Variants in LTBP1 observed in about 807,000 individuals in gnomAD.
LTBP1 encodes latent transforming growth factor beta binding protein 1.
In LTBP1, 129 loss-of-function variants were observed where a neutral mutation model predicts 207.6. The ratio of observed to expected loss-of-function variants is 0.62; its 90% CI spans 0.54 to 0.72. The LOEUF (loss-of-function observed/expected upper bound fraction) is 0.72. LTBP1 is among the 30% of genes least tolerant of loss of function. LTBP1 has a pLI of 0.00. For missense variants in LTBP1, 2,281 were observed against 2,217.2 expected (o/e 1.03, Z -0.58); for synonymous variants, 963 against 833.7 (o/e 1.16, Z -2.67).
At chr2:33,077,200 T>C (rs1382395905) in intron 3 of LTBP1, among the ~76,000 whole-genome samples, 2 of 152,280 alleles carry the variant, frequency 1.3e-5, no homozygotes, top group Admixed American at 1.3e-4. Context: ...AATGGGAAGG[T>C]TGTTGTATTG....
At position 33,361,440 on chromosome 2, in the gene LTBP1, G is replaced by A. The variant is rs1449217104; in HGVS notation, c.4195G>A (p.Glu1399Lys). 3 of 1,593,466 alleles carry A rather than the reference G, an allele frequency of 1.9e-6. No homozygotes were observed. Among genetic ancestry groups the A allele is most frequent in the Non-Finnish European group, 1.7e-6 (2 of 1,168,016 alleles). Residue 1399 changes from glutamate to lysine, a missense_variant, in exon 28 of 34, where the codon GAA becomes AAA. Transcript: ENST00000404816. ...TCTTCTAAAATCAGCTGAGTTCACT[G>A]AAATGTGTCCCAAAGGGAAAGGTTT... ...CPVLGTAEFT[E>K]MCPKGKGFVP...
chr2:33,287,571 G>C (rs1231190271), intron 19 of LTBP1, among the ~76,000 whole-genome samples: 2 of 152,224 alleles, frequency 1.3e-5, no homozygotes, highest in African/African-American at 4.8e-5. Context: ...AGTGGCAGTT[G>C]AGTTTTGCTG....
intron 4 of LTBP1, among the ~76,000 whole-genome samples, chr2:33,124,947 A>G (rs1463302733): frequency 2.0e-5 from 3 of 152,284 alleles, no homozygotes; most frequent in Admixed American, 2.0e-4. Context: ...ACTTCTTATT[A>G]TCAGTTTCTT....
At chr2:33,385,657 C>T (rs1192777953) in intron 31 of LTBP1, among the ~76,000 whole-genome samples, 1 of 152,186 alleles carries the variant, frequency 6.6e-6, no homozygotes, top group Non-Finnish European at 1.5e-5. Context: ...GGACTTGAGC[C>T]TCAGCTTCCA....
chr2:33,096,527 G>T (rs2079398171), intron 3 of LTBP1, among the ~76,000 whole-genome samples: 1 of 152,180 alleles, frequency 6.6e-6, no homozygotes, highest in South Asian at 2.1e-4. Flanking sequence ...TGTGAGTTCT[G>T]CCAACCTATT....
intron 5 of LTBP1, among the ~76,000 whole-genome samples, chr2:33,168,399 C>CAAAAAAAAAA (rs10616798): frequency 1.3e-4 from 14 of 103,784 alleles, no homozygotes; most frequent in Non-Finnish European, 2.6e-4. Context: ...GTCTTTGTCT[C>CAAAAAAAAAA]AAAAAAAAAA....
intron 7 of LTBP1, among the ~76,000 whole-genome samples, chr2:33,200,775 T>C (rs1445621912): frequency 6.6e-6 from 1 of 151,672 alleles, no homozygotes; most frequent in East Asian, 1.9e-4. Context: ...CAAACAAATT[T>C]ACAAGAAAAA....
rs996811331 is a variant in LTBP1, at chr2:33,134,371, G to A, written c.1034-422G>A. ...AAACAGGGAAAGTATGCAAGTTGAG[G>A]ACACAAGAGTTTATTCACCGCTAGG... On this transcript the variant is annotated intron_variant, in intron 4 of 33. Coordinates refer to ENST00000404816, the MANE Select transcript of LTBP1 (RefSeq NM_206943.4). The surrounding 1 kb of genome is among the most constrained non-coding windows in gnomAD (Gnocchi z 4.4). 1 of 475,566 alleles carries A rather than the reference G, an allele frequency of 2.1e-6. No individual in the cohort carries two copies. The highest frequency in any genetic ancestry group is 2.0e-5 in the African/African-American group (1 of 50,250). The allele number at this position is 475,566 out of a possible 1,614,324, so 29.5% of individuals were successfully genotyped here.
chr2:33,185,408 A>G (rs888265892), intron 5 of LTBP1, among the ~76,000 whole-genome samples: 2 of 152,242 alleles, frequency 1.3e-5, no homozygotes, highest in East Asian at 3.8e-4. Context: ...TGAAATATGT[A>G]TATGGTGACA....
At chr2:33,296,741 TA>T (rs1328398668) in intron 20 of LTBP1, among the ~76,000 whole-genome samples, 1 of 151,972 alleles carries the variant, frequency 6.6e-6, no homozygotes, top group Non-Finnish European at 1.5e-5. Flanking sequence ...TTTGTTTTTT[TA>T]AAAAAAGGCA....
chr2:33,114,216 A>AT (rs1303286861), intron 4 of LTBP1, among the ~76,000 whole-genome samples: 2 of 152,226 alleles, frequency 1.3e-5, no homozygotes, highest in East Asian at 3.8e-4. Flanking sequence ...AAAGAATTTA[A>AT]TTTGCATCCG....
In LTBP1 at chr2:33,041,628, C is replaced by T. The variant is rs553576564; in HGVS notation, c.863+20422C>T. Among the ~76,000 whole-genome samples the T allele has an allele frequency of 3.9e-5, 6 of 152,362 alleles. No individual in the cohort carries two copies. The South Asian group carries it at 1.2e-3, about 32-fold the overall frequency. ...TCCCAGTGCCTAATCTGGAATGGAG[C>T]ACATGATAAATAGCATTCATTCCTT... On this transcript the variant is annotated intron_variant, in intron 3 of 33. Coordinates refer to ENST00000404816, the MANE Select transcript of LTBP1 (RefSeq NM_206943.4).
intron 31 of LTBP1, among the ~76,000 whole-genome samples, chr2:33,366,299 A>G (rs1337130843): frequency 6.6e-6 from 1 of 152,246 alleles, no homozygotes; most frequent in Non-Finnish European, 1.5e-5. Flanking sequence ...GATCATGTGC[A>G]AGTAGAAAGC....
chr2:33,175,667 G>T (rs2085959420), intron 5 of LTBP1, among the ~76,000 whole-genome samples: 1 of 152,120 alleles, frequency 6.6e-6, no homozygotes, highest in Non-Finnish European at 1.5e-5. Context: ...TATACCCAAA[G>T]GACTATAAAT....
chr2:33,132,658 A>G (rs1018950989), intron 4 of LTBP1, among the ~76,000 whole-genome samples: 2 of 152,210 alleles, frequency 1.3e-5, no homozygotes, highest in Admixed American at 6.5e-5. Context: ...CCACTAGGAC[A>G]TCTTGCCATT....
chr2:33,046,292 A>G (rs371712277), intron 3 of LTBP1, among the ~76,000 whole-genome samples: 5 of 152,166 alleles, frequency 3.3e-5, no homozygotes, highest in Admixed American at 2.0e-4. Context: ...TTTTCCATCA[A>G]TACTTAGTTT....
At chr2:33,002,718 C>T (rs143311522) in intron 2 of LTBP1, among the ~76,000 whole-genome samples, 151 of 152,178 alleles carry the variant, frequency 9.9e-4, no homozygotes, top group African/African-American at 3.5e-3. Flanking sequence ...CACCCTGTCG[C>T]CCAGGCTGGA....
intron 5 of LTBP1, among the ~76,000 whole-genome samples, chr2:33,139,350 G>C (rs888091487): frequency 2.0e-5 from 3 of 152,126 alleles, no homozygotes; most frequent in African/African-American, 7.2e-5. Flanking sequence ...CATATATTAA[G>C]TGACTATGTA....
chr2:33,121,926 A>G (rs1270972393), intron 4 of LTBP1, among the ~76,000 whole-genome samples: 1 of 152,146 alleles, frequency 6.6e-6, no homozygotes, highest in Non-Finnish European at 1.5e-5. Context: ...TCTCTCACCA[A>G]TTTGACTTTC....
Sources: gnomAD v4.1 joint callset for allele counts (sites outside exome capture counted in the v4.1 genomes callset) on GRCh38, gnomAD v4.1.1 for gene constraint, Gnocchi (gnomAD v3.1) non-coding constraint, MANE v1.5 for transcripts, NCBI Gene and HGNC (gene_info 2026-07-23, HGNC 2026-07-21) for gene names.